PLXDC2: variants seen among roughly 807,000 people sequenced by gnomAD.
PLXDC2 encodes plexin domain-containing protein 2.
Under a neutral mutation model 68.9 loss-of-function variants are expected in PLXDC2, and 40 were observed. The observed-to-expected ratio is 0.58, with a 90% CI of 0.45 to 0.76. PLXDC2 has a LOEUF of 0.76. Among genes scored for constraint, PLXDC2 ranks in the 30% least tolerant of loss-of-function variants. The pLI, the probability that PLXDC2 is intolerant of heterozygous loss-of-function variation, is 0.00. For synonymous variants in PLXDC2, 243 were observed against 234.2 expected (o/e 1.04, Z -0.34); for missense variants, 644 against 661.9 (o/e 0.97, Z 0.30).
chr10:20,167,661 T>C (rs541305402), intron 7 of PLXDC2, among the ~76,000 whole-genome samples: 3 of 152,260 alleles, frequency 2.0e-5, no homozygotes, highest in Non-Finnish European at 2.9e-5. Context: ...CATAGAACCC[T>C]GTTCTCATAA....
chr10:19,874,376 C>G (rs1459584136), intron 1 of PLXDC2, among the ~76,000 whole-genome samples: 1 of 152,188 alleles, frequency 6.6e-6, no homozygotes, highest in Non-Finnish European at 1.5e-5. Flanking sequence ...GGGAGCAACT[C>G]ACTTTCTAGA....
At chr10:20,135,243 A>C (rs1158259748) in intron 4 of PLXDC2, among the ~76,000 whole-genome samples, 1 of 152,194 alleles carries the variant, frequency 6.6e-6, no homozygotes, top group Non-Finnish European at 1.5e-5. Context: ...AGAGGAAATA[A>C]ACTTGATGGC....
At chr10:20,098,741 C>G (rs1833384700) in intron 4 of PLXDC2, among the ~76,000 whole-genome samples, 1 of 152,242 alleles carries the variant, frequency 6.6e-6, no homozygotes, top group South Asian at 2.1e-4. Flanking sequence ...GGGAGTCTAT[C>G]TCTACACTCC....
chr10:20,221,991 C>T (rs1190376177), intron 12 of PLXDC2, among the ~76,000 whole-genome samples: 1 of 152,124 alleles, frequency 6.6e-6, no homozygotes, highest in Non-Finnish European at 1.5e-5. Context: ...TATGGGACTA[C>T]ATATAGAAAA....
At chr10:19,956,001 T>C (rs1589555283) in intron 1 of PLXDC2, among the ~76,000 whole-genome samples, 2 of 152,062 alleles carry the variant, frequency 1.3e-5, no homozygotes, top group South Asian at 4.2e-4. Flanking sequence ...ATCGCTTGAA[T>C]CCAAGAGGCT....
At chr10:20,275,701 T>A (rs903843737) in intron 13 of PLXDC2, among the ~76,000 whole-genome samples, 7 of 151,990 alleles carry the variant, frequency 4.6e-5, no homozygotes, top group Non-Finnish European at 7.4e-5. Context: ...TCATTTGAGG[T>A]CAGGAGTTCA....
At chr10:19,964,364 C>G (rs111849354) in intron 1 of PLXDC2, among the ~76,000 whole-genome samples, 2 of 152,188 alleles carry the variant, frequency 1.3e-5, no homozygotes, top group South Asian at 4.1e-4. Context: ...TTCCTCAGTC[C>G]TTTATGAGAG....
At chr10:20,171,288 C>G (rs1158610942) in intron 7 of PLXDC2, among the ~76,000 whole-genome samples, 1 of 152,140 alleles carries the variant, frequency 6.6e-6, no homozygotes, top group Admixed American at 6.5e-5. Flanking sequence ...GATCAATCGA[C>G]AGATCTCCAG....
At chr10:19,998,511 C>T (rs1834877971) in intron 1 of PLXDC2, among the ~76,000 whole-genome samples, 1 of 152,002 alleles carries the variant, frequency 6.6e-6, no homozygotes, top group Non-Finnish European at 1.5e-5. Context: ...ATGACATAAC[C>T]AGAGAGAAAG....
At chr10:19,857,614 T>G (rs1206299475) in intron 1 of PLXDC2, among the ~76,000 whole-genome samples, 1 of 152,232 alleles carries the variant, frequency 6.6e-6, no homozygotes, top group Non-Finnish European at 1.5e-5. Flanking sequence ...TTTGTAAAGT[T>G]TGTATCCATG....
intron 7 of PLXDC2, 69 bp downstream of exon 7, chr10:20,164,636 T>C: frequency 8.4e-7 from 1 of 1,183,782 alleles, no homozygotes; most frequent in Non-Finnish European, 1.3e-6. Flanking sequence ...GATTGGTCTA[T>C]GGCAGCTGTA....
chr10:20,134,344 C>T (rs574706255), intron 4 of PLXDC2, among the ~76,000 whole-genome samples: 1 of 152,300 alleles, frequency 6.6e-6, no homozygotes, highest in South Asian at 2.1e-4. Flanking sequence ...GCACTTCTTT[C>T]AGTCTTTATG....
chr10:20,121,358 T>A (rs181560647), intron 4 of PLXDC2, among the ~76,000 whole-genome samples: 1 of 152,268 alleles, frequency 6.6e-6, no homozygotes, highest in East Asian at 1.9e-4. Flanking sequence ...GCACTAACCA[T>A]GCCTAGGAAG....
intron 1 of PLXDC2, among the ~76,000 whole-genome samples, chr10:19,931,964 T>C (rs945445730): frequency 6.6e-6 from 1 of 151,904 alleles, no homozygotes; most frequent in Admixed American, 6.6e-5. Flanking sequence ...TGTGTGTGTG[T>C]GTGTGTGTGT....
chr10:20,217,804 T>C (rs992532976), intron 11 of PLXDC2, among the ~76,000 whole-genome samples: 4 of 151,962 alleles, frequency 2.6e-5, no homozygotes, highest in Admixed American at 6.6e-5. Flanking sequence ...TGTGCCTTTT[T>C]TTAAGACATA....
At chr10:19,972,684 G>A (rs904015386) in intron 1 of PLXDC2, among the ~76,000 whole-genome samples, 12 of 152,154 alleles carry the variant, frequency 7.9e-5, no homozygotes, top group Admixed American at 2.0e-4. Context: ...ATGACCAAGG[G>A]AGACTTGATT....
rs148920270 is a variant in PLXDC2, at chr10:20,134,582, C to G, written c.542-8713C>G. Among the ~76,000 whole-genome samples the G allele has an allele frequency of 3.3e-5, 5 of 152,242 alleles. No homozygotes were observed. The East Asian group carries it at 7.7e-4, about 24-fold the overall frequency. On this transcript the variant is annotated intron_variant, in intron 4 of 13. Coordinates refer to ENST00000377252, the MANE Select transcript of PLXDC2 (RefSeq NM_032812.9). ...AACTGGGCAATCCTAGTGTCTGGGT[C>G]TGCATGACAGGCATGGATCCTGGGT...
chr10:20,019,399 C>A (rs1026975749), intron 2 of PLXDC2, among the ~76,000 whole-genome samples: 2 of 152,132 alleles, frequency 1.3e-5, no homozygotes, highest in African/African-American at 4.8e-5. Flanking sequence ...AGACCCTTTC[C>A]CCTGCACCCC....
chr10:20,152,879 T>C (rs1193014864), intron 6 of PLXDC2, among the ~76,000 whole-genome samples: 1 of 152,154 alleles, frequency 6.6e-6, no homozygotes, highest in Non-Finnish European at 1.5e-5. Flanking sequence ...AGGATGTAGA[T>C]AATGTTTTCT....
Sources: gnomAD v4.1 joint callset for allele counts (sites outside exome capture counted in the v4.1 genomes callset) on GRCh38, gnomAD v4.1.1 for gene constraint, MANE v1.5 for transcripts, NCBI Gene and HGNC (gene_info 2026-07-23, HGNC 2026-07-21) for gene names.